The following FBXO9 variants were observed in gnomAD, a reference collection of about 807,000 sequenced individuals.
The protein encoded by FBXO9 is F-box protein 9.
FBXO9 carries 43 observed loss-of-function variants against 63.7 expected under a neutral mutation model. The ratio of observed to expected loss-of-function variants is 0.67; its 90% CI spans 0.53 to 0.87. The LOEUF is 0.87. Ranked by LOEUF, FBXO9 falls within the 40% of genes least tolerant of loss-of-function variation. The pLI, the probability that FBXO9 is intolerant of heterozygous loss-of-function variation, is 0.00. For synonymous variants in FBXO9, 156 were observed against 171.7 expected (o/e 0.91, Z 0.72); for missense variants, 442 against 533.2 (o/e 0.83, Z 1.68).
chr6:53,093,981 G>T lies in FBXO9; in HGVS notation c.1053+3G>T. 6.5e-7 allele frequency: 1 copy of T among 1,531,950 alleles called. No individual in the cohort carries two copies. Among genetic ancestry groups the T allele is most frequent in the South Asian group, 1.2e-5 (1 of 82,518 alleles). 94.9% of individuals were successfully genotyped at this position (1,531,950 alleles called of 1,614,324 possible). A position where few individuals can be genotyped will look rare whatever the true frequency, so the allele number is the denominator to read the frequency against. On this transcript the variant is annotated splice_donor_region_variant and intron_variant, in intron 11 of 12. Coordinates refer to ENST00000323557, the MANE Select transcript of FBXO9 (RefSeq NM_033480.3). ...TAATAACTAAGAAAAAAGAAGAAGT[G>T]AGTATACGAGGTGTAATTAATAGTT...
Position 53,071,096 on chromosome 6 carries a change from G to T in FBXO9, c.43G>T (p.Ala15Ser). Reference sequence around the variant, plus strand: ...AGATTGTCATTCTGATACTGTCAGAGCAGATGATGATGAAGAAAATGAAAG... The same window carrying T: ...AGATTGTCATTCTGATACTGTCAGATCAGATGATGATGAAGAAAATGAAAG... ...EEDCHSDTVR[A>S]DDDEENESPA... The change falls in exon 2 of 13, where the codon GCA becomes TCA. Residue 15 changes from alanine to serine, a missense_variant. Physicochemically the swap from Ala to Ser is moderately conservative, Grantham distance 99. Around this residue, in one of 2 missense-constraint regions of FBXO9, gnomAD observed 180 missense variants for 171.1 expected, o/e 1.05. Transcript: ENST00000323557. 1 of 1,574,156 alleles carries T rather than the reference G, an allele frequency of 6.4e-7. No homozygotes were observed. Among genetic ancestry groups the T allele is most frequent in the Non-Finnish European group, 8.6e-7 (1 of 1,157,826 alleles).
intron 3 of FBXO9, among the ~76,000 whole-genome samples, chr6:53,074,177 T>C (rs1312424605): frequency 6.6e-6 from 1 of 152,206 alleles, no homozygotes; most frequent in Non-Finnish European, 1.5e-5. Context: ...TCATATCTCT[T>C]CTGGTACTTA....
chr6:53,088,291 A>G (rs1434611432), intron 7 of FBXO9, among the ~76,000 whole-genome samples: 1 of 152,212 alleles, frequency 6.6e-6, no homozygotes, highest in Admixed American at 6.5e-5. Context: ...TCAAAGTGTG[A>G]AGAAAAAAAA....
intron 3 of FBXO9, among the ~76,000 whole-genome samples, chr6:53,075,096 A>G (rs991894957): frequency 3.3e-5 from 5 of 152,138 alleles, no homozygotes; most frequent in Admixed American, 2.6e-4. Context: ...GTTCATCCTC[A>G]TCAGCATTTA....
chr6:53,097,612 A>T (rs918140058), intron 12 of FBXO9, 110 bp from the exon 13 acceptor site: 3 of 537,266 alleles, frequency 5.6e-6, no homozygotes, highest in Non-Finnish European at 9.3e-6. Flanking sequence ...TCCTAAGATG[A>T]ATTAAAAATA....
chr6:53,079,276 G>A (rs575891252), intron 5 of FBXO9, among the ~76,000 whole-genome samples: 1 of 152,246 alleles, frequency 6.6e-6, no homozygotes, highest in South Asian at 2.1e-4. Flanking sequence ...GGTTAAAATT[G>A]AGTGATGGGT....
At chr6:53,083,562 G>T (rs1337848184) in intron 7 of FBXO9, among the ~76,000 whole-genome samples, 1 of 152,208 alleles carries the variant, frequency 6.6e-6, no homozygotes, top group African/African-American at 2.4e-5. Context: ...TGACTACAAA[G>T]ATCAGTAACA....
At chr6:53,081,343 C>T (rs1769306270) in intron 6 of FBXO9, among the ~76,000 whole-genome samples, 1 of 152,210 alleles carries the variant, frequency 6.6e-6, no homozygotes, top group African/African-American at 2.4e-5. Flanking sequence ...GCAATCTCGG[C>T]TCACTGCAAC....
chr6:53,092,504 C>T lies in FBXO9; in HGVS notation c.729C>T (p.Ser243=). 6.2e-7 allele frequency: 1 copy of T among 1,613,864 alleles called. No homozygotes were observed. The highest frequency in any genetic ancestry group is 8.5e-7 in the Non-Finnish European group (1 of 1,179,864). The change falls in exon 8 of 13, where the codon TCC becomes TCT. Residue 243 remains serine (S), a synonymous_variant. Coordinates refer to ENST00000323557, the MANE Select transcript of FBXO9 (RefSeq NM_033480.3). The stretch of plus-strand genomic sequence containing the variant: ...GTATTAAACTTGTTCCGTACACGTC[C>T]TGGAGAGAGATGTTTTTAGAACGGC... ...RSCIKLVPYT[S]WREMFLERPR...
chr6:53,078,674 A>AT (rs1312631791), intron 4 of FBXO9, 125 bp from the exon 5 acceptor site: 10 of 655,510 alleles, frequency 1.5e-5, no homozygotes, highest in Non-Finnish European at 2.4e-5. Flanking sequence ...CTGCTGTTGC[A>AT]TGTAGAAAAA....
intron 3 of FBXO9, 97 bp downstream of exon 3, chr6:53,073,736 C>A: frequency 9.7e-7 from 1 of 1,026,898 alleles, no homozygotes; most frequent in Non-Finnish European, 1.4e-6. Flanking sequence ...ACCAGACTTT[C>A]GGGACATAAA....
Position 53,097,847 on chromosome 6 carries a change from C to T in FBXO9, c.*17C>T. 1.3e-6 allele frequency: 2 copies of T among 1,513,272 alleles called. No individual in the cohort carries two copies. Among genetic ancestry groups the T allele is most frequent in the Non-Finnish European group, 1.8e-6 (2 of 1,107,594 alleles). 93.7% of individuals were successfully genotyped at this position (1,513,272 alleles called of 1,614,324 possible). On this transcript the variant is annotated 3_prime_UTR_variant, in exon 13 of 13. Coordinates refer to ENST00000323557, the MANE Select transcript of FBXO9 (RefSeq NM_033480.3). ...CCTCTGTAGAGCCTCAAGTCCAGTC[C>T]TCTATCACTTTTGCATGAATTAAAG...
chr6:53,066,258 C>A, intron 1 of FBXO9: 1 of 471,964 alleles, frequency 2.1e-6, no homozygotes, highest in Non-Finnish European at 2.8e-6. Context: ...CCTGCCGGCA[C>A]CTTGAGGAGC....
chr6:53,072,425 G>A (rs12215271), intron 2 of FBXO9, among the ~76,000 whole-genome samples: 49 of 152,192 alleles, frequency 3.2e-4, no homozygotes, highest in Non-Finnish European at 6.5e-4. Flanking sequence ...AAGACCAGCT[G>A]CAATGCAGTC....
intron 12 of FBXO9, among the ~76,000 whole-genome samples, chr6:53,095,974 A>G (rs142771781): frequency 1.9e-3 from 289 of 152,344 alleles, no homozygotes; most frequent in African/African-American, 6.5e-3. Flanking sequence ...TGAGCTGTCC[A>G]TGTATGACTT....
intron 7 of FBXO9, chr6:53,091,740 A>G (rs1763045901): frequency 6.6e-6 from 1 of 152,008 alleles, no homozygotes; most frequent in Non-Finnish European, 1.5e-5. Context: ...CCATTTTACC[A>G]CTTCTGCAAC....
At chr6:53,084,937 A>G (rs1296954383) in intron 7 of FBXO9, among the ~76,000 whole-genome samples, 1 of 152,208 alleles carries the variant, frequency 6.6e-6, no homozygotes, top group Non-Finnish European at 1.5e-5. Flanking sequence ...TTTACTCACG[A>G]TAAGGCTGAG....
intron 6 of FBXO9, among the ~76,000 whole-genome samples, 163 bp downstream of exon 6, chr6:53,081,261 G>A (rs1250508899): frequency 6.6e-6 from 1 of 152,064 alleles, no homozygotes; most frequent in Non-Finnish European, 1.5e-5. Context: ...AAGCTGTTTT[G>A]TGTTTTGTTT....
At chr6:53,066,845 G>T (rs1022520532) in intron 1 of FBXO9, among the ~76,000 whole-genome samples, 1 of 152,218 alleles carries the variant, frequency 6.6e-6, no homozygotes. Context: ...CCTCCAGGTG[G>T]CATCTGAGGC....
Sources: gnomAD v4.1 joint callset for allele counts (sites outside exome capture counted in the v4.1 genomes callset) on GRCh38, gnomAD v4.1.1 for gene constraint, gnomAD v4.1.1 regional missense constraint, MANE v1.5 for transcripts, NCBI Gene and HGNC (gene_info 2026-07-23, HGNC 2026-07-21) for gene names.